The following NXPE4 variants were observed in gnomAD, a reference collection of about 807,000 sequenced individuals.
NXPE4 encodes the protein neurexophilin and PC-esterase domain family member 4.
In NXPE4, 42 loss-of-function variants were observed where a neutral mutation model predicts 33.3. That is an observed-to-expected ratio of 1.26 (90% CI 0.98 to 1.63). The LOEUF (loss-of-function observed/expected upper bound fraction) is 1.63. Among genes scored for constraint, NXPE4 ranks in the 40% most tolerant of loss-of-function variants. The pLI, the probability that NXPE4 is intolerant of heterozygous loss-of-function variation, is 0.00. For synonymous variants in NXPE4, 253 were observed against 234.9 expected (o/e 1.08, Z -0.71); for missense variants, 709 against 647.6 (o/e 1.09, Z -1.03).
chr11:114,654,862 T>C, the NXPE4 span, among the ~76,000 whole-genome samples: 1 of 152,180 alleles, frequency 6.6e-6, no homozygotes, highest in Non-Finnish European at 1.5e-5. Flanking sequence ...GGTCAAATGG[T>C]ATTTCTGGTT....
the NXPE4 span, among the ~76,000 whole-genome samples, chr11:114,656,577 T>C: frequency 1.3e-5 from 2 of 152,018 alleles, no homozygotes; most frequent in African/African-American, 2.4e-5. Flanking sequence ...GATAAGTTAA[T>C]TGCATGAAAA....
intron 5 of NXPE4, among the ~76,000 whole-genome samples, chr11:114,573,789 G>A (rs932944374): frequency 1.1e-4 from 16 of 152,022 alleles, no homozygotes; most frequent in Admixed American, 2.6e-4. Flanking sequence ...CACTGACAGC[G>A]CTAGACTGGT....
the NXPE4 span, among the ~76,000 whole-genome samples, chr11:114,669,233 A>G: frequency 1.3e-5 from 2 of 152,170 alleles, no homozygotes; most frequent in Non-Finnish European, 2.9e-5. Flanking sequence ...TCCCAAGGGC[A>G]TACAGCAAAT....
the NXPE4 span, among the ~76,000 whole-genome samples, chr11:114,632,666 GTATATATATTTATATATATAAA>G: frequency 0.2 from 16,134 of 81,536 alleles, 1,912 homozygotes; most frequent in African/African-American, 0.34. Flanking sequence ...TAAATATATA[GTATATATATTTATATATATAAA>G]TTTATATATT....
chr11:114,591,056 A>G (rs1320438461), intron 2 of NXPE4, among the ~76,000 whole-genome samples: 1 of 152,172 alleles, frequency 6.6e-6, no homozygotes, highest in Non-Finnish European at 1.5e-5. Context: ...GATCTCAGGG[A>G]AACTCCCCTG....
the NXPE4 span, among the ~76,000 whole-genome samples, chr11:114,631,549 G>A: frequency 3.3e-5 from 5 of 150,688 alleles, no homozygotes; most frequent in African/African-American, 1.2e-4. Context: ...GGGAGGGATA[G>A]CACTGGGAGA....
chr11:114,669,438 T>C, the NXPE4 span, among the ~76,000 whole-genome samples: 1 of 152,022 alleles, frequency 6.6e-6, no homozygotes, highest in Admixed American at 6.6e-5. Context: ...ACCTGAAGGG[T>C]AAGATATCCC....
At chr11:114,639,462 G>T in the NXPE4 span, among the ~76,000 whole-genome samples, 1 of 151,556 alleles carries the variant, frequency 6.6e-6, no homozygotes, top group South Asian at 2.1e-4. Context: ...CATGCACGCT[G>T]CGCTGCCCCC....
At chr11:114,639,240 C>T in the NXPE4 span, among the ~76,000 whole-genome samples, 20 of 151,180 alleles carry the variant, frequency 1.3e-4, no homozygotes, top group South Asian at 6.3e-4. Flanking sequence ...GAGCAATCAG[C>T]GAGACTCTGT....
chr11:114,626,468 G>T, the NXPE4 span, among the ~76,000 whole-genome samples: 1 of 152,108 alleles, frequency 6.6e-6, no homozygotes, highest in South Asian at 2.1e-4. Flanking sequence ...TGACGGTCCT[G>T]TCTGTTAGAA....
the NXPE4 span, among the ~76,000 whole-genome samples, chr11:114,614,570 A>G: frequency 6.6e-6 from 1 of 151,822 alleles, no homozygotes; most frequent in Non-Finnish European, 1.5e-5. Flanking sequence ...CTTGTGGGTA[A>G]CTACTGTTAC....
At chr11:114,585,675 T>A (rs993681570) in intron 2 of NXPE4, among the ~76,000 whole-genome samples, 1 of 152,084 alleles carries the variant, frequency 6.6e-6, no homozygotes, top group African/African-American at 2.4e-5. Flanking sequence ...AAACAGGAAC[T>A]AGAAAGAAAT....
At chr11:114,572,890 C>A (rs1368318790) in intron 5 of NXPE4, among the ~76,000 whole-genome samples, 3 of 152,136 alleles carry the variant, frequency 2.0e-5, no homozygotes, top group African/African-American at 7.2e-5. Context: ...ACAGAAAGAT[C>A]ATTGCCTAGG....
chr11:114,677,740 T>C, the NXPE4 span, among the ~76,000 whole-genome samples: 1 of 152,066 alleles, frequency 6.6e-6, no homozygotes, highest in Admixed American at 6.6e-5. Context: ...TATACACATG[T>C]ATATATCCAT....
At chr11:114,586,802 T>G (rs1949310524) in intron 2 of NXPE4, among the ~76,000 whole-genome samples, 1 of 152,138 alleles carries the variant, frequency 6.6e-6, no homozygotes, top group African/African-American at 2.4e-5. Flanking sequence ...AACTTCCATG[T>G]CTCCTATCCA....
At chr11:114,581,372 T>C (rs1949141820) in intron 4 of NXPE4, among the ~76,000 whole-genome samples, 1 of 152,030 alleles carries the variant, frequency 6.6e-6, no homozygotes, top group Non-Finnish European at 1.5e-5. Flanking sequence ...CTAGTGGTGA[T>C]ATGGGAAGAG....
At chr11:114,635,141 G>A in the NXPE4 span, among the ~76,000 whole-genome samples, 9 of 150,708 alleles carry the variant, frequency 6.0e-5, no homozygotes, top group African/African-American at 2.2e-4. Context: ...TTATTTCCTT[G>A]AGCAGTGGTT....
intron 2 of NXPE4, among the ~76,000 whole-genome samples, chr11:114,587,136 G>T (rs1285745843): frequency 6.6e-6 from 1 of 152,068 alleles, no homozygotes; most frequent in African/African-American, 2.4e-5. Flanking sequence ...CTCTACAAGA[G>T]ACCAGGCTTT....
chr11:114,669,279 C>T, the NXPE4 span, among the ~76,000 whole-genome samples: 1 of 152,044 alleles, frequency 6.6e-6, no homozygotes, highest in Non-Finnish European at 1.5e-5. Flanking sequence ...TTCTATATCT[C>T]AGTTAGAATG....
Sources: gnomAD v4.1 joint callset for allele counts (sites outside exome capture counted in the v4.1 genomes callset) on GRCh38, gnomAD v4.1.1 for gene constraint, MANE v1.5 for transcripts, NCBI Gene and HGNC (gene_info 2026-07-23, HGNC 2026-07-21) for gene names.